Variants in ZFHX3 observed in about 807,000 individuals in gnomAD.
ZFHX3 encodes the protein zinc finger homeobox 3.
Under a neutral mutation model 279.1 loss-of-function variants are expected in ZFHX3, and 42 were observed. The ratio of observed to expected loss-of-function variants is 0.15; its 90% CI spans 0.12 to 0.19. ZFHX3 has a LOEUF of 0.19. Among genes scored for constraint, ZFHX3 ranks in the 10% least tolerant of loss-of-function variants. ZFHX3 has a pLI of 1.00. For missense variants in ZFHX3, 4,981 were observed against 4,754.0 expected (o/e 1.05, Z -1.40); for synonymous variants, 2,293 against 1,957.8 (o/e 1.17, Z -4.52).
chr16:73,761,222 C>T (rs1415893383), intron 1 of ZFHX3, among the ~76,000 whole-genome samples: 2 of 151,932 alleles, frequency 1.3e-5, no homozygotes, highest in Non-Finnish European at 2.9e-5. Context: ...CATGAATGAA[C>T]TCCCATTCAT....
intron 2 of ZFHX3, among the ~76,000 whole-genome samples, chr16:73,535,352 T>C (rs893255290): frequency 1.3e-5 from 2 of 152,218 alleles, no homozygotes; most frequent in African/African-American, 4.8e-5. Context: ...CTCATCAAAA[T>C]TCTTAGGAAT....
intron 7 of ZFHX3, chr16:73,098,847 T>G (rs1966198082): frequency 6.6e-6 from 1 of 152,228 alleles, no homozygotes; most frequent in Non-Finnish European, 1.5e-5. Flanking sequence ...CCTCTGGCAT[T>G]GCCACGGCTG....
At chr16:73,185,854 G>A (rs1480723548) in intron 5 of ZFHX3, among the ~76,000 whole-genome samples, 1 of 152,090 alleles carries the variant, frequency 6.6e-6, no homozygotes, top group Admixed American at 6.5e-5. Flanking sequence ...TCAGGAGCCG[G>A]ATCACACAGC....
intron 3 of ZFHX3, among the ~76,000 whole-genome samples, chr16:73,418,367 T>C (rs2017640162): frequency 6.6e-6 from 1 of 152,194 alleles, no homozygotes; most frequent in Admixed American, 6.5e-5. Flanking sequence ...CCTGGCCCGA[T>C]CACCTGGAAT....
At chr16:73,874,788 T>C (rs2029897322) in intron 1 of ZFHX3, among the ~76,000 whole-genome samples, 1 of 152,150 alleles carries the variant, frequency 6.6e-6, no homozygotes, top group Non-Finnish European at 1.5e-5. Context: ...TGCCTTTCTG[T>C]TTAGGGTAGA....
intron 2 of ZFHX3, among the ~76,000 whole-genome samples, chr16:73,469,740 C>T (rs547526814): frequency 5.3e-5 from 8 of 152,204 alleles, no homozygotes; most frequent in African/African-American, 1.7e-4. Flanking sequence ...GCCTCAGTCT[C>T]CCAAGTAGCT....
chr16:73,017,615 A>G (rs1457245671), intron 1 of ZFHX3, among the ~76,000 whole-genome samples: 1 of 152,048 alleles, frequency 6.6e-6, no homozygotes, highest in Non-Finnish European at 1.5e-5. Flanking sequence ...CTTTAGCACA[A>G]CCTATCAGCT....
intron 1 of ZFHX3, among the ~76,000 whole-genome samples, chr16:73,684,163 G>A (rs1180939156): frequency 6.6e-6 from 1 of 152,012 alleles, no homozygotes; most frequent in African/African-American, 2.4e-5. Context: ...GTGAGGTGGT[G>A]GGTACCTGTA....
intron 6 of ZFHX3, among the ~76,000 whole-genome samples, chr16:73,142,616 A>C (rs1471494321): frequency 6.6e-6 from 1 of 152,236 alleles, no homozygotes; most frequent in African/African-American, 2.4e-5. Context: ...CAGATGCGTT[A>C]ATGAGTGCAT....
chr16:73,527,103 A>G (rs2019709186), intron 2 of ZFHX3, among the ~76,000 whole-genome samples: 2 of 152,156 alleles, frequency 1.3e-5, no homozygotes, highest in Admixed American at 6.5e-5. Context: ...ATCCCATTGG[A>G]AAAGCAATCT....
chr16:72,834,414 C>T (rs2037135745), intron 4 of ZFHX3, among the ~76,000 whole-genome samples: 1 of 152,222 alleles, frequency 6.6e-6, no homozygotes. Flanking sequence ...CAGATAAATA[C>T]CTTCTAAAGG....
At chr16:73,335,961 A>G (rs2015904420) in intron 3 of ZFHX3, among the ~76,000 whole-genome samples, 1 of 152,192 alleles carries the variant, frequency 6.6e-6, no homozygotes, top group Non-Finnish European at 1.5e-5. Context: ...AGCACATCAC[A>G]GATTCTTTTT....
chr16:72,989,597 G>A (rs1445707032), intron 1 of ZFHX3, among the ~76,000 whole-genome samples: 1 of 152,118 alleles, frequency 6.6e-6, no homozygotes, highest in Non-Finnish European at 1.5e-5. Context: ...CAATCCTTCA[G>A]TTGCTTCAAT....
intron 5 of ZFHX3, among the ~76,000 whole-genome samples, chr16:73,217,886 T>TA (rs1260351289): frequency 0.016 from 2,272 of 143,958 alleles, 17 homozygotes; most frequent in Middle Eastern, 0.028. Flanking sequence ...GTAGTTAACC[T>TA]AAAAAAAAAA....
chr16:73,625,460 A>G (rs187208129), intron 2 of ZFHX3, among the ~76,000 whole-genome samples: 28 of 152,324 alleles, frequency 1.8e-4, no homozygotes, highest in African/African-American at 6.3e-4. Flanking sequence ...GATTCTATGA[A>G]AGAATTAAGC....
chr16:73,650,765 T>C lies in ZFHX3; in HGVS notation c.-1547+29415A>G, dbSNP rs1408195761. On this transcript the variant is annotated intron_variant, in intron 2 of 17. Coordinates refer to the ZFHX3 transcript ENST00000641206. ...CTTGAAGGTACTTCTCTTAGGTGCC[T>C]GGCTAAGCAGATTTAACTCCTGTAT... Among the ~76,000 whole-genome samples, 3 of 152,146 alleles carry C rather than the reference T, an allele frequency of 2.0e-5. No homozygotes were observed. In the East Asian group the frequency reaches 5.8e-4, roughly 29 times the overall value.
chr16:72,914,720 G>C (rs547106398), intron 3 of ZFHX3, among the ~76,000 whole-genome samples: 16 of 152,068 alleles, frequency 1.1e-4, no homozygotes, highest in African/African-American at 2.9e-4. Context: ...GGCTGGGTGC[G>C]GTGGCTCATG....
chr16:73,872,565 C>T (rs2029865048), intron 1 of ZFHX3, among the ~76,000 whole-genome samples: 1 of 151,598 alleles, frequency 6.6e-6, no homozygotes, highest in African/African-American at 2.4e-5. Context: ...GGAAACAAAG[C>T]TCATTTTCCT....
chr16:72,830,721 G>A (rs1008884613), intron 4 of ZFHX3, among the ~76,000 whole-genome samples: 5 of 152,198 alleles, frequency 3.3e-5, no homozygotes, highest in Non-Finnish European at 5.9e-5. Context: ...TAGATGCTGA[G>A]GGAAAGAAGG....
Sources: gnomAD v4.1 joint callset for allele counts (sites outside exome capture counted in the v4.1 genomes callset) on GRCh38, gnomAD v4.1.1 for gene constraint, MANE v1.5 for transcripts, NCBI Gene and HGNC (gene_info 2026-07-23, HGNC 2026-07-21) for gene names.